OPCML: variants seen among roughly 807,000 people sequenced by gnomAD.
The protein encoded by OPCML is opioid binding protein/cell adhesion molecule like, also known as opioid-binding protein/cell adhesion molecule.
A neutral mutation model predicts 37.8 loss-of-function variants in OPCML; 13 were observed. That is an observed-to-expected ratio of 0.34 (90% CI 0.22 to 0.55). The LOEUF (loss-of-function observed/expected upper bound fraction) is 0.55, where lower values mean the gene tolerates loss of function less well. OPCML is among the 20% of genes least tolerant of loss of function. The probability of loss-of-function intolerance (pLI) is 0.91; values close to 1 mark genes in which losing one functional copy is unlikely to be tolerated. For synonymous variants in OPCML, 176 were observed against 168.8 expected, an observed-to-expected ratio of 1.04 and a Z score of -0.33; for missense variants, 341 against 435.6, an observed-to-expected ratio of 0.78 and a Z score of 1.93.
At chr11:132,560,007 A>G (rs2096407071) in intron 3 of OPCML, among the ~76,000 whole-genome samples, 1 of 152,250 alleles carries the variant, frequency 6.6e-6, no homozygotes, top group Admixed American at 6.5e-5. Context: ...TGAGTAAAAA[A>G]TTTATGTGAA....
chr11:133,167,834 A>C (rs1950232866), intron 1 of OPCML, among the ~76,000 whole-genome samples: 1 of 151,816 alleles, frequency 6.6e-6, no homozygotes, highest in African/African-American at 2.4e-5. Flanking sequence ...TATACCACCC[A>C]CCCAGTCACC....
Position 132,420,062 on chromosome 11 carries a change from AC to A in OPCML, c.*130del, listed in dbSNP as rs1286720657. On this transcript the variant is annotated 3_prime_UTR_variant, in exon 8 of 8. Transcript: ENST00000524381. ...AAAGCAAACAAACAAATAAACAAAA[AC>A]AAAAAGAAAACAAATCTAGAATAAC... The A allele has an allele frequency of 2.7e-6, 2 of 745,590 alleles. No homozygotes were observed. The highest frequency in any genetic ancestry group is 4.3e-6 in the Non-Finnish European group (2 of 460,882). 46.2% of individuals were successfully genotyped at this position (745,590 alleles called of 1,614,324 possible). A position where few individuals can be genotyped will look rare whatever the true frequency, so the allele number is the denominator to read the frequency against.
intron 1 of OPCML, among the ~76,000 whole-genome samples, chr11:133,086,550 G>A (rs770453330): frequency 1.9e-4 from 29 of 152,178 alleles, no homozygotes; most frequent in African/African-American, 5.3e-4. Flanking sequence ...ATAGTTGGCA[G>A]ATAAAGATTG....
At chr11:132,948,184 G>A (rs1260303334) in intron 1 of OPCML, among the ~76,000 whole-genome samples, 1 of 152,212 alleles carries the variant, frequency 6.6e-6, no homozygotes, top group Non-Finnish European at 1.5e-5. Context: ...AGAGACGACT[G>A]CCTTGAAAGA....
chr11:132,782,817 T>C (rs1947075243), intron 2 of OPCML, among the ~76,000 whole-genome samples: 1 of 150,502 alleles, frequency 6.6e-6, no homozygotes, highest in South Asian at 2.1e-4. Context: ...AAGCTATCTA[T>C]GTAGATACAT....
At chr11:133,060,199 T>G (rs1002553790) in intron 1 of OPCML, among the ~76,000 whole-genome samples, 3 of 149,242 alleles carry the variant, frequency 2.0e-5, no homozygotes, top group African/African-American at 7.4e-5. Flanking sequence ...CTTCTCCCTC[T>G]CCCTCTCCCT....
chr11:132,733,069 T>C (rs549236635), intron 2 of OPCML, among the ~76,000 whole-genome samples: 10 of 152,306 alleles, frequency 6.6e-5, no homozygotes, highest in African/African-American at 2.4e-4. Context: ...TTTCACATTA[T>C]CTCAATGATA....
At chr11:132,450,458 G>C (rs925368083) in intron 4 of OPCML, among the ~76,000 whole-genome samples, 1 of 152,130 alleles carries the variant, frequency 6.6e-6, no homozygotes, top group Non-Finnish European at 1.5e-5. Flanking sequence ...GTGCCTCGAC[G>C]GTGGTGTCTG....
At chr11:133,025,462 T>C (rs1276415192) in intron 1 of OPCML, 16 of 985,372 alleles carry the variant, frequency 1.6e-5, no homozygotes, top group African/African-American at 1.4e-4. Flanking sequence ...CCAAACTTTA[T>C]AACCCTTAAC....
At chr11:132,964,528 T>C (rs752405770) in intron 1 of OPCML, among the ~76,000 whole-genome samples, 5 of 152,192 alleles carry the variant, frequency 3.3e-5, no homozygotes, top group Admixed American at 6.5e-5. Context: ...TAGGAAGTGA[T>C]TGCATGAGAG....
chr11:132,526,903 C>T (rs1453263524), intron 4 of OPCML, among the ~76,000 whole-genome samples: 2 of 152,110 alleles, frequency 1.3e-5, no homozygotes, highest in African/African-American at 2.4e-5. Flanking sequence ...AATCCCTACC[C>T]TAGGTAACCA....
chr11:133,007,149 G>T (rs1947129346), intron 1 of OPCML: 1 of 985,290 alleles, frequency 1.0e-6, no homozygotes, highest in African/African-American at 1.7e-5. Flanking sequence ...AGCCTTACAG[G>T]TACATGCCCA....
chr11:132,571,340 G>A (rs942290024), intron 3 of OPCML, among the ~76,000 whole-genome samples: 8 of 151,932 alleles, frequency 5.3e-5, no homozygotes, highest in Admixed American at 5.2e-4. Context: ...ATGGGACTTC[G>A]CCTTGTGATT....
intron 2 of OPCML, among the ~76,000 whole-genome samples, chr11:132,683,770 T>C (rs961150225): frequency 6.6e-6 from 1 of 152,202 alleles, no homozygotes; most frequent in Non-Finnish European, 1.5e-5. Flanking sequence ...GGTTCAGCTA[T>C]CCTTGTGTAC....
At chr11:132,895,226 T>C (rs1055460995) in intron 2 of OPCML, among the ~76,000 whole-genome samples, 3 of 152,346 alleles carry the variant, frequency 2.0e-5, no homozygotes, top group Non-Finnish European at 2.9e-5. Context: ...TCACCACTTA[T>C]AAGAGACAAG....
At chr11:132,765,772 C>A (rs1946421579) in intron 2 of OPCML, among the ~76,000 whole-genome samples, 1 of 152,158 alleles carries the variant, frequency 6.6e-6, no homozygotes, top group Non-Finnish European at 1.5e-5. Context: ...TTTCTAGAGA[C>A]AGTGATGCCC....
intron 7 of OPCML, among the ~76,000 whole-genome samples, chr11:132,425,470 G>A (rs1277678617): frequency 6.6e-6 from 1 of 152,188 alleles, no homozygotes; most frequent in Non-Finnish European, 1.5e-5. Context: ...CTCTGAAACA[G>A]TTTATTTTAT....
rs80250895 is a variant in OPCML at position 132,504,829 on chromosome 11, G to A, written c.505+24232C>T. ...ATGCAGACCAGCACTGATGCAACACGGTGAAGAGTGCTCAAGGGTGTGAAT... is the reference window on the plus strand; with the variant it reads ...ATGCAGACCAGCACTGATGCAACACAGTGAAGAGTGCTCAAGGGTGTGAAT... On this transcript the variant is annotated intron_variant, in intron 4 of 7. Transcript: ENST00000524381. Among the ~76,000 whole-genome samples the A allele has an allele frequency of 9.9e-4, 151 of 152,154 alleles. 1 individual carries two copies. The East Asian group carries it at 0.024, about 24-fold the overall frequency.
chr11:133,400,161 G>C (rs1173358219), intron 1 of OPCML, among the ~76,000 whole-genome samples: 1 of 152,152 alleles, frequency 6.6e-6, no homozygotes, highest in East Asian at 1.9e-4. Context: ...TGCCCAGCAG[G>C]AGGGAAATAA....
Sources: allele counts gnomAD v4.1 joint callset (sites outside exome capture counted in the v4.1 genomes callset), GRCh38; gene constraint gnomAD v4.1.1; transcripts MANE v1.5; gene names NCBI Gene and HGNC (gene_info 2026-07-23, HGNC 2026-07-21).